The following CCDC91 variants were observed in gnomAD, a reference collection of about 807,000 sequenced individuals.
The protein encoded by CCDC91 is coiled-coil domain containing 91, also known as coiled-coil domain-containing protein 91.
Under a neutral mutation model 63.2 loss-of-function variants are expected in CCDC91, and 48 were observed. The observed-to-expected ratio is 0.76, with a 90% confidence interval of 0.60 to 0.97. The LOEUF (loss-of-function observed/expected upper bound fraction) is 0.97, where lower values mean the gene tolerates loss of function less well. Ranked by LOEUF, CCDC91 falls within the 50% of genes least tolerant of loss-of-function variation. The pLI is 0.00. For missense variants in CCDC91, 500 were observed against 494.6 expected (o/e 1.01, Z -0.10); for synonymous variants, 167 against 165.8 (o/e 1.01, Z -0.06).
chr12:28,406,555 T>C (rs1015392277), intron 8 of CCDC91, among the ~76,000 whole-genome samples: 1 of 152,176 alleles, frequency 6.6e-6, no homozygotes, highest in Non-Finnish European at 1.5e-5. Flanking sequence ...GCAATTGTTT[T>C]TATCACAGTC....
chr12:28,495,796 A>C (rs1458381189), intron 12 of CCDC91, among the ~76,000 whole-genome samples: 1 of 151,574 alleles, frequency 6.6e-6, no homozygotes, highest in Non-Finnish European at 1.5e-5. Context: ...TAGCCCCTGG[A>C]TCTGGTAATA....
intron 8 of CCDC91, among the ~76,000 whole-genome samples, chr12:28,418,877 C>T (rs1289673388): frequency 2.0e-5 from 3 of 151,920 alleles, no homozygotes; most frequent in East Asian, 3.8e-4. Context: ...GAATATCTAC[C>T]ATCAAAATAA....
intron 1 of CCDC91, among the ~76,000 whole-genome samples, chr12:28,204,964 A>G (rs946435098): frequency 4.6e-5 from 7 of 152,194 alleles, no homozygotes; most frequent in Non-Finnish European, 8.8e-5. Context: ...TTTATTACGT[A>G]TTTACTCAGT....
At chr12:28,403,117 G>A (rs1194293582) in intron 8 of CCDC91, among the ~76,000 whole-genome samples, 4 of 152,128 alleles carry the variant, frequency 2.6e-5, no homozygotes, top group African/African-American at 9.7e-5. Context: ...TTCCTGTGAT[G>A]TATTTGTCTG....
rs73265409 is a variant in CCDC91 at position 28,392,541 on chromosome 12, A to G, written c.762+1130A>G. Among the ~76,000 whole-genome samples, 274 of 152,330 alleles carry G rather than the reference A, an allele frequency of 1.8e-3. 1 individual carries two copies. Among genetic ancestry groups the G allele is most frequent in the African/African-American group, 6.4e-3 (267 of 41,580 alleles). On this transcript the variant is annotated intron_variant, in intron 8 of 12. Coordinates refer to ENST00000536442, the MANE Select transcript of CCDC91 (RefSeq NM_018318.5). ...GCCTGGAAATGACACATTCGATTTC[A>G]ATTTATATCCACATGGTTCCACCCA...
At chr12:28,282,943 T>C (rs1341550686) in intron 3 of CCDC91, among the ~76,000 whole-genome samples, 6 of 152,062 alleles carry the variant, frequency 3.9e-5, no homozygotes, top group African/African-American at 1.4e-4. Flanking sequence ...ATTTTCCCAG[T>C]ACTATTTATT....
At chr12:28,497,736 T>C (rs1952385543) in intron 12 of CCDC91, among the ~76,000 whole-genome samples, 1 of 151,668 alleles carries the variant, frequency 6.6e-6, no homozygotes, top group Non-Finnish European at 1.5e-5. Flanking sequence ...ACTAGGAGCA[T>C]ATTAATCATA....
intron 3 of CCDC91, among the ~76,000 whole-genome samples, chr12:28,283,128 G>GAAC (rs1948705243): frequency 6.6e-6 from 1 of 151,354 alleles, no homozygotes; most frequent in Non-Finnish European, 1.5e-5. Flanking sequence ...AGTATAATTT[G>GAAC]AAGTCAGGTA....
intron 1 of CCDC91, among the ~76,000 whole-genome samples, chr12:28,251,871 G>A (rs1592109848): frequency 6.6e-6 from 1 of 152,178 alleles, no homozygotes; most frequent in South Asian, 2.1e-4. Context: ...ATTATTCTGG[G>A]AGAAATCCCT....
At chr12:28,537,176 T>C (rs1222867693) in intron 12 of CCDC91, among the ~76,000 whole-genome samples, 1 of 152,176 alleles carries the variant, frequency 6.6e-6, no homozygotes, top group Non-Finnish European at 1.5e-5. Flanking sequence ...TTTTTTCTTT[T>C]TCACTATTCT....
At chr12:28,307,216 T>C (rs1217906025) in intron 5 of CCDC91, among the ~76,000 whole-genome samples, 1 of 151,960 alleles carries the variant, frequency 6.6e-6, no homozygotes, top group East Asian at 1.9e-4. Flanking sequence ...TGAAAGCAGG[T>C]AGTATTGTGT....
chr12:28,237,370 T>C (rs908908625), intron 1 of CCDC91, among the ~76,000 whole-genome samples: 5 of 152,162 alleles, frequency 3.3e-5, no homozygotes, highest in African/African-American at 9.6e-5. Flanking sequence ...TTTGAAGATA[T>C]GGTTAAGTTA....
intron 6 of CCDC91, among the ~76,000 whole-genome samples, chr12:28,339,314 G>T (rs1328470329): frequency 1.3e-5 from 2 of 152,134 alleles, no homozygotes; most frequent in Non-Finnish European, 2.9e-5. Flanking sequence ...GAGGGAATCA[G>T]TTTAGTTTGG....
intron 8 of CCDC91, among the ~76,000 whole-genome samples, chr12:28,448,426 G>T (rs1949642304): frequency 1.3e-5 from 2 of 152,276 alleles, no homozygotes; most frequent in South Asian, 4.1e-4. Flanking sequence ...CTTTCAAACA[G>T]TAAATTTCAG....
rs559571537 is a variant in CCDC91 at position 28,464,430 on chromosome 12, C to T, written c.1101+11776C>T. Among the ~76,000 whole-genome samples the T allele has an allele frequency of 2.3e-3, 350 of 152,242 alleles. 2 individuals carry two copies. The highest frequency in any genetic ancestry group is 3.6e-3 in the Non-Finnish European group (243 of 68,008). The stretch of plus-strand genomic sequence containing the variant: ...TACAGCTCCCAGCTCCAAAAGAGAC[C>T]CCTTCCTTCCACTTAAGGAGAGGAG... On this transcript the variant is annotated intron_variant, in intron 11 of 12. Coordinates refer to ENST00000536442, the MANE Select transcript of CCDC91 (RefSeq NM_018318.5).
chr12:28,420,525 C>T (rs1947939817), intron 8 of CCDC91, among the ~76,000 whole-genome samples: 1 of 152,104 alleles, frequency 6.6e-6, no homozygotes, highest in Non-Finnish European at 1.5e-5. Flanking sequence ...ATTGACAGCA[C>T]ATAAGACACA....
rs1947786731 is a variant in CCDC91 at position 28,271,847 on chromosome 12, A to G, written c.109+12405A>G. 3.3e-5 allele frequency among the ~76,000 whole-genome samples: 5 copies of G among 150,198 alleles called. No individual in the cohort carries two copies. The Admixed American group carries it at 3.3e-4, about 10-fold the overall frequency. ...TGTAGCATTTTAAATGTGTATATAT[A>G]TAAGTATTGTATATGCATATGAAAT... On this transcript the variant is annotated intron_variant, in intron 3 of 12. Transcript: ENST00000536442.
intron 5 of CCDC91, 58 bp from the exon 6 acceptor site, chr12:28,307,587 C>G: frequency 1.1e-6 from 1 of 899,968 alleles, no homozygotes; most frequent in Non-Finnish European, 1.7e-6. Flanking sequence ...ATTGAAAAAA[C>G]TAATTATATT....
At chr12:28,519,695 A>G (rs1448599460) in intron 12 of CCDC91, among the ~76,000 whole-genome samples, 3 of 148,250 alleles carry the variant, frequency 2.0e-5, no homozygotes, top group Non-Finnish European at 3.0e-5. Flanking sequence ...CATTAGGTAT[A>G]TCTCCTAATG....
Sources: gnomAD v4.1 joint callset for allele counts (sites outside exome capture counted in the v4.1 genomes callset) on GRCh38, gnomAD v4.1.1 for gene constraint, MANE v1.5 for transcripts, NCBI Gene and HGNC (gene_info 2026-07-23, HGNC 2026-07-21) for gene names.